The following RTN3 variants were observed in gnomAD, a reference collection of about 807,000 sequenced individuals.
RTN3 encodes reticulon 3.
A neutral mutation model predicts 77.8 loss-of-function variants in RTN3; 49 were observed. The observed-to-expected ratio is 0.63, with a 90% CI of 0.50 to 0.80. RTN3 has a LOEUF of 0.80. Among genes scored for constraint, RTN3 ranks in the 30% least tolerant of loss-of-function variants. The probability of loss-of-function intolerance (pLI) is 0.00; values close to 1 mark genes in which losing one functional copy is unlikely to be tolerated. For synonymous variants in RTN3, 464 were observed against 446.9 expected (o/e 1.04, Z -0.48); for missense variants, 1,236 against 1,211.9 (o/e 1.02, Z -0.29).
At chr11:63,737,534 C>T (rs1236438373) in intron 3 of RTN3, among the ~76,000 whole-genome samples, 1 of 152,116 alleles carries the variant, frequency 6.6e-6, no homozygotes, top group Non-Finnish European at 1.5e-5. Flanking sequence ...CACTTGAACC[C>T]AGGAGGCAGA....
chr11:63,737,676 A>G (rs1163101181), intron 3 of RTN3, among the ~76,000 whole-genome samples: 5 of 152,224 alleles, frequency 3.3e-5, no homozygotes, highest in Non-Finnish European at 7.3e-5. Flanking sequence ...TTTTAGATCC[A>G]TACTATTCAC....
In RTN3 at chr11:63,720,559, C is replaced by T. The variant is rs1257801788; in HGVS notation, c.2057C>T (p.Thr686Ile). The change falls in exon 3 of 9, where the codon ACA (threonine) becomes ATA (isoleucine). Residue 686 changes from threonine (T) to isoleucine (I), a missense_variant. Transcript: ENST00000377819. ...AISEKMTDFK[T>I]TPPVEVLHEN... is the part of the protein sequence containing the mutation. ...TCAGAGAAGATGACAGACTTTAAAA[C>T]AACTCCTCCTGTAGAAGTCTTACAT... The T allele has an allele frequency of 1.5e-5, 24 of 1,614,012 alleles. 2 individuals carry two copies. The Middle Eastern group carries it at 8.2e-4, about 55-fold the overall frequency.
chr11:63,701,511 T>G (rs1013129065), intron 1 of RTN3, among the ~76,000 whole-genome samples: 2 of 152,178 alleles, frequency 1.3e-5, no homozygotes, highest in African/African-American at 2.4e-5. Flanking sequence ...TGAACAGTTC[T>G]ACAGGCTTTA....
chr11:63,744,872 G>A (rs939321822), intron 3 of RTN3, among the ~76,000 whole-genome samples: 4 of 152,148 alleles, frequency 2.6e-5, no homozygotes, highest in Non-Finnish European at 5.9e-5. Flanking sequence ...CACGCCTATA[G>A]TCCTAGCTAC....
At chr11:63,724,959 GTTTTGTT>G (rs2012132539) in intron 3 of RTN3, among the ~76,000 whole-genome samples, 1 of 147,006 alleles carries the variant, frequency 6.8e-6, no homozygotes, top group African/African-American at 2.5e-5. Flanking sequence ...AGTTGTTAAA[GTTTTGTT>G]TTTTTTTTTT....
chr11:63,725,480 ACT>A (rs1008976527), intron 3 of RTN3, among the ~76,000 whole-genome samples: 6 of 147,232 alleles, frequency 4.1e-5, no homozygotes, highest in Admixed American at 3.4e-4. Flanking sequence ...GAGGAGTTTC[ACT>A]CTGTCGCCCA....
At chr11:63,712,398 T>C (rs1409892304) in intron 2 of RTN3, among the ~76,000 whole-genome samples, 1 of 152,164 alleles carries the variant, frequency 6.6e-6, no homozygotes, top group African/African-American at 2.4e-5. Context: ...TAAAGTTAGG[T>C]GCTTTAATTT....
At position 63,718,852 on chromosome 11, in the gene RTN3, A is replaced by G; in HGVS notation, c.350A>G (p.Glu117Gly). 1 of 1,614,158 alleles carries G rather than the reference A, an allele frequency of 6.2e-7. No homozygotes were observed. The highest frequency in any genetic ancestry group is 8.5e-7 in the Non-Finnish European group (1 of 1,180,032). ...VLGSQPILAK[E>G]GKDHLDLLDM... ...GGGAGCCAGCCTATTTTAGCCAAAG[A>G]AGGAAAAGACCACTTGGATCTTCTA... Residue 117 changes from glutamate to glycine, a missense_variant, in exon 3 of 9, where the codon GAA becomes GGA. This residue lies in a region of RTN3 where 1,056 missense variants were observed against 990.4 expected (regional missense o/e 1.07). Transcript: ENST00000377819.
chr11:63,746,340 C>T (rs747200818), intron 3 of RTN3, among the ~76,000 whole-genome samples: 1 of 152,140 alleles, frequency 6.6e-6, no homozygotes, highest in Non-Finnish European at 1.5e-5. Flanking sequence ...GCCACATGTG[C>T]GTTATCATCC....
chr11:63,718,900 C>G lies in RTN3; in HGVS notation c.398C>G (p.Pro133Arg). Residue 133 changes from proline to arginine, a missense_variant, in exon 3 of 9, where the codon CCT becomes CGT. Around this residue, in one of 3 missense-constraint regions of RTN3, gnomAD observed 1,056 missense variants for 990.4 expected, o/e 1.07. Transcript: ENST00000377819. ...DLLDMKKMEK[P>R]QGTSNNVSDS... ...CTAGATATGAAAAAGATGGAAAAGC[C>G]TCAGGGGACCAGCAACAACGTATCA... 1 of 1,614,110 alleles carries G rather than the reference C, an allele frequency of 6.2e-7. No individual in the cohort carries two copies.
chr11:63,735,550 T>TTCTCTCTCTCTCTC (rs71468640), intron 3 of RTN3, among the ~76,000 whole-genome samples: 2,209 of 42,686 alleles, frequency 0.052, 532 homozygotes, highest in East Asian at 0.056. Flanking sequence ...ATTCTAACAT[T>TTCTCTCTCTCTCTC]TCTCTCTCTC....
rs767240468 is a variant in RTN3 at position 63,749,942 on chromosome 11, A to G, written c.2531-49A>G. 4 of 1,316,750 alleles carry G rather than the reference A, an allele frequency of 3.0e-6. No homozygotes were observed. In the African/African-American group the frequency reaches 5.8e-5, roughly 19 times the overall value. 81.6% of individuals were successfully genotyped at this position (1,316,750 alleles called of 1,614,324 possible). A position where few individuals can be genotyped will look rare whatever the true frequency, so the allele number is the denominator to read the frequency against. Reference sequence around the variant, plus strand: ...GAGGCTCCACAGGTATGCAAGACATAGTAGCTGTGGATGTTTCTTATAACT... The same window carrying G: ...GAGGCTCCACAGGTATGCAAGACATGGTAGCTGTGGATGTTTCTTATAACT... On this transcript the variant is annotated intron_variant, in intron 3 of 8. Coordinates refer to ENST00000377819, the MANE Select transcript of RTN3 (RefSeq NM_001265589.2).
At chr11:63,722,444 G>A (rs1363078539) in intron 3 of RTN3, among the ~76,000 whole-genome samples, 7 of 152,090 alleles carry the variant, frequency 4.6e-5, no homozygotes, top group Non-Finnish European at 7.4e-5. Context: ...GTATTGTGAG[G>A]ATTAAATATG....
chr11:63,684,465 A>G (rs1335729927), intron 1 of RTN3, among the ~76,000 whole-genome samples: 1 of 151,752 alleles, frequency 6.6e-6, no homozygotes, highest in Admixed American at 6.6e-5. Context: ...GTTAATTTTT[A>G]TATCTTTGGT....
At chr11:63,686,892 ATGTT>A (rs1444635980) in intron 1 of RTN3, among the ~76,000 whole-genome samples, 1 of 152,186 alleles carries the variant, frequency 6.6e-6, no homozygotes, top group East Asian at 1.9e-4. Context: ...TACATTTTAT[ATGTT>A]TGTTCATGGA....
Position 63,701,308 on chromosome 11 carries a change from C to T in RTN3, c.143-3543C>T, listed in dbSNP as rs200930520. On this transcript the variant is annotated intron_variant, in intron 1 of 8. Transcript: ENST00000377819. Reference sequence around the variant, plus strand: ...GTATGTTGCCCTTTCATACTGGTTTCTTTCACAGACCAATAAGCATTTAAG... The same window carrying T: ...GTATGTTGCCCTTTCATACTGGTTTTTTTCACAGACCAATAAGCATTTAAG... Among the ~76,000 whole-genome samples, 3 of 152,138 alleles carry T rather than the reference C, an allele frequency of 2.0e-5. No homozygotes were observed. The East Asian group carries it at 5.8e-4, about 29-fold the overall frequency.
chr11:63,720,610 T>C lies in RTN3; in HGVS notation c.2108T>C (p.Ile703Thr), dbSNP rs778747047. The change falls in exon 3 of 9, where the codon ATT (isoleucine) becomes ACT (threonine). Residue 703 changes from isoleucine to threonine, a missense_variant. Physicochemically the swap from Ile to Thr is moderately conservative, Grantham distance 89. Around this residue, in one of 3 missense-constraint regions of RTN3, gnomAD observed 1,056 missense variants for 990.4 expected, o/e 1.07. Transcript: ENST00000377819. ...LHENESGGSE[I>T]KDIGSKYSEQ... Reference sequence around the variant, plus strand: ...GAAAATGAGTCCGGTGGTTCTGAAATTAAAGACATTGGAAGCAAATACAGT... The same window carrying C: ...GAAAATGAGTCCGGTGGTTCTGAAACTAAAGACATTGGAAGCAAATACAGT... 1.2e-6 allele frequency: 2 copies of C among 1,613,794 alleles called. No individual in the cohort carries two copies. Among genetic ancestry groups the C allele is most frequent in the South Asian group, 2.2e-5 (2 of 91,000 alleles).
At chr11:63,744,198 C>A (rs1290426683) in intron 3 of RTN3, among the ~76,000 whole-genome samples, 1 of 117,234 alleles carries the variant, frequency 8.5e-6, no homozygotes, top group Non-Finnish European at 1.6e-5. Flanking sequence ...GCCGAGACCA[C>A]ACCATTGCAC....
chr11:63,753,383 T>C (rs2014203628), intron 6 of RTN3, among the ~76,000 whole-genome samples: 1 of 152,240 alleles, frequency 6.6e-6, no homozygotes, highest in Non-Finnish European at 1.5e-5. Context: ...TTGGTTTACG[T>C]ATGGGGATCT....
Sources: allele counts gnomAD v4.1 joint callset (sites outside exome capture counted in the v4.1 genomes callset), GRCh38; gene constraint gnomAD v4.1.1; regional missense constraint gnomAD v4.1.1; transcripts MANE v1.5; gene names NCBI Gene and HGNC (gene_info 2026-07-23, HGNC 2026-07-21).